Variants in ZP2 observed in about 807,000 individuals in gnomAD.
ZP2 encodes the protein zona pellucida glycoprotein 2.
ZP2 carries 51 observed loss-of-function variants against 84.0 expected under a neutral mutation model. The ratio of observed to expected loss-of-function variants is 0.61; its 90% CI spans 0.49 to 0.77. The LOEUF (loss-of-function observed/expected upper bound fraction) is 0.77. ZP2 is among the 30% of genes least tolerant of loss of function. The pLI, the probability that ZP2 is intolerant of heterozygous loss-of-function variation, is 0.00. For synonymous variants in ZP2, 375 were observed against 330.9 expected (o/e 1.13, Z -1.45); for missense variants, 909 against 911.9 (o/e 1.00, Z 0.04).
At chr16:21,198,461 C>T (rs1236814045) in intron 17 of ZP2, among the ~76,000 whole-genome samples, 3 of 152,156 alleles carry the variant, frequency 2.0e-5, no homozygotes, top group South Asian at 2.1e-4. Context: ...CTATAGATAT[C>T]CATGAATGAG....
At chr16:21,211,436 T>C (rs2093274754) in intron 1 of ZP2, 41 bp from the exon 2 acceptor site, 36 of 1,613,978 alleles carry the variant, frequency 2.2e-5, no homozygotes, top group Non-Finnish European at 3.1e-5. Flanking sequence ...GAATGGACTT[T>C]AACAAACAAA....
In ZP2 at chr16:21,197,819, C is replaced by T. The variant is rs369785011; in HGVS notation, c.2042G>A (p.Gly681Glu). 1.2e-6 allele frequency: 2 copies of T among 1,614,138 alleles called. No individual in the cohort carries two copies. Among genetic ancestry groups the T allele is most frequent in the Non-Finnish European group, 1.7e-6 (2 of 1,180,014 alleles). Residue 681 changes from glycine to glutamate, a missense_variant, in exon 18 of 19, where the codon GGG (glycine) becomes GAG (glutamate). Transcript: ENST00000574091. ...GVGSSDLKAS[G>E]SSGEKSRSET... ...ACTCCTACTCTTCTCCCCACTGCTC[C>T]CACTTGCTTTTAGATCAGATGAGCC... is the stretch of plus-strand genomic sequence containing the variant.
Position 21,197,512 on chromosome 16 carries a change from GGTA to G in ZP2, c.2203_2205del (p.Tyr735del), listed in dbSNP as rs1295053437. ...TTTGACACAGTCCTTTTCTCGTACAGGTAGTAGATGAAGCCTAGAGTTGCCACC... is the reference window on the plus strand; with the variant it reads ...TTTGACACAGTCCTTTTCTCGTACAGGTAGATGAAGCCTAGAGTTGCCACC... On this transcript the variant is annotated inframe_deletion, in exon 19 of 19. Transcript: ENST00000574091. The G allele has an allele frequency of 6.2e-6, 10 of 1,614,058 alleles. 1 individual carries two copies. The highest frequency in any genetic ancestry group is 4.4e-5 in the South Asian group (4 of 91,084).
upstream of ZP2, among the ~76,000 whole-genome samples, chr16:21,213,612 C>T (rs566939909): frequency 1.4e-4 from 21 of 152,234 alleles, no homozygotes; most frequent in African/African-American, 5.1e-4. Flanking sequence ...ACAGGTGATT[C>T]TTATAATCAG....
chr16:21,207,714 C>T (rs566922848), intron 4 of ZP2, among the ~76,000 whole-genome samples: 5 of 151,696 alleles, frequency 3.3e-5, no homozygotes, highest in African/African-American at 9.7e-5. Flanking sequence ...TGGTATATGC[C>T]TGTGGTCTCA....
chr16:21,204,116 C>T lies in ZP2; in HGVS notation c.886G>A (p.Val296Met), dbSNP rs2093238632. Residue 296 changes from valine to methionine, a missense_variant, in exon 9 of 19, where the codon GTG (valine) becomes ATG (methionine). Coordinates refer to ENST00000574091, the MANE Select transcript of ZP2 (RefSeq NM_001376232.1). ...SVSFENQNID[V>M]SQLHDNGIDL... ...ATTCCATTGTCATGCAGCTGGCTCA[C>T]ATCAATGTTCTGGTTTTCAAAGCTC... 1 of 1,614,180 alleles carries T rather than the reference C, an allele frequency of 6.2e-7. No homozygotes were observed. Among genetic ancestry groups the T allele is most frequent in the South Asian group, 1.1e-5 (1 of 91,084 alleles).
At chr16:21,200,037 T>C (rs1420699415) in intron 14 of ZP2, among the ~76,000 whole-genome samples, 159 bp from the exon 15 acceptor site, 1 of 152,262 alleles carries the variant, frequency 6.6e-6, no homozygotes, top group Non-Finnish European at 1.5e-5. Flanking sequence ...ACCTGACCTA[T>C]AATACCTATG....
At chr16:21,212,074 C>A (rs1244443620), upstream of ZP2, among the ~76,000 whole-genome samples, 1 of 152,056 alleles carries the variant, frequency 6.6e-6, no homozygotes, top group Non-Finnish European at 1.5e-5. Context: ...ATTACAGGTG[C>A]ACGCCACCAC....
intron 6 of ZP2, 38 bp from the exon 7 acceptor site, chr16:21,205,622 C>T: frequency 1.2e-6 from 2 of 1,613,056 alleles, no homozygotes; most frequent in South Asian, 1.1e-5. Flanking sequence ...GCTGGTGCTC[C>T]CTTAACCAAG....
At position 21,209,615 on chromosome 16, in the gene ZP2, C is replaced by T. The variant is rs368433366; in HGVS notation, c.330+16G>A. The T allele has an allele frequency of 2.5e-6, 4 of 1,612,970 alleles. No individual in the cohort carries two copies. Among genetic ancestry groups the T allele is most frequent in the Middle Eastern group, 1.7e-4 (1 of 6,052 alleles). ...ACTACGTACTTCCCCAAGAACTGCTCAAAGCAATGACTTACCACTCTCCTG... is the reference window on the plus strand; with the variant it reads ...ACTACGTACTTCCCCAAGAACTGCTTAAAGCAATGACTTACCACTCTCCTG... On this transcript the variant is annotated intron_variant, in intron 4 of 18. Transcript: ENST00000574091.
chr16:21,199,063 C>T (rs530920288), intron 16 of ZP2, among the ~76,000 whole-genome samples: 54 of 152,148 alleles, frequency 3.5e-4, no homozygotes, highest in Admixed American at 3.1e-3. Flanking sequence ...GCCTATAATC[C>T]CAGCACTTTT....
chr16:21,197,654 TATTTTTAA>T lies in ZP2; in HGVS notation c.2096-40_2096-33del, dbSNP rs1470938864. On this transcript the variant is annotated intron_variant, in intron 18 of 18. Transcript: ENST00000574091. Reference sequence around the variant, plus strand: ...AGGAAGCAGACATTTGAGTCTTAAGTATTTTTAAATAAGGGTAAGTGGAAGCCTTACAT... The same window carrying T: ...AGGAAGCAGACATTTGAGTCTTAAGTATAAGGGTAAGTGGAAGCCTTACAT... 3.7e-6 allele frequency: 6 copies of T among 1,613,828 alleles called. 1 individual carries two copies.
At position 21,199,645 on chromosome 16, in the gene ZP2, A is replaced by C. The variant is rs1313993447; in HGVS notation, c.1852T>G (p.Leu618Val). Residue 618 changes from leucine to valine, a missense_variant, in exon 16 of 19, where the codon TTA (leucine) becomes GTA (valine). By Grantham distance (32) the Leu-to-Val change is conservative. Transcript: ENST00000574091. ...TCAGGGGAGAGTCGATTACAGATTA[A>C]GGCACTGCAGTGGAAGTAGACCTGG... Reference protein sequence around the residue: ...SSLVYFHCSALICNRLSPDSP... With the variant: ...SSLVYFHCSAVICNRLSPDSP... 1.2e-6 allele frequency: 2 copies of C among 1,613,746 alleles called. No homozygotes were observed. The highest frequency in any genetic ancestry group is 4.5e-5 in the East Asian group (2 of 44,878).
intron 7 of ZP2, among the ~76,000 whole-genome samples, 180 bp downstream of exon 7, chr16:21,205,240 G>A (rs924628859): frequency 5.3e-5 from 8 of 152,132 alleles, no homozygotes; most frequent in South Asian, 4.1e-4. Flanking sequence ...CGATCTGCCC[G>A]CTTCAGCCTT....
rs541922491 is a variant in ZP2, at chr16:21,205,218, C to T, written c.693+202G>A. 4.6e-5 allele frequency among the ~76,000 whole-genome samples: 7 copies of T among 152,242 alleles called. No homozygotes were observed. In the East Asian group the frequency reaches 1.4e-3, roughly 29 times the overall value. ...GGGTTGGCCGGGCTGGTCTTGAACT[C>T]CTGACCTCAAGCGATCTGCCCGCTT... On this transcript the variant is annotated intron_variant, in intron 7 of 18. Transcript: ENST00000574091.
intron 1 of ZP2, 31 bp downstream of exon 1, chr16:21,211,455 A>AC (rs1456837646): frequency 1.2e-6 from 2 of 1,608,974 alleles, no homozygotes; most frequent in African/African-American, 1.3e-5. Flanking sequence ...AAGCTACCAT[A>AC]CCCCCTCCCT....
At chr16:21,200,744 A>T (rs62033380) in intron 14 of ZP2, among the ~76,000 whole-genome samples, 22,580 of 152,262 alleles carry the variant, frequency 0.15, 2,039 homozygotes, top group South Asian at 0.2. Flanking sequence ...GAAGACTAGT[A>T]CAACTAGTGG....
rs1034554538 is a variant in ZP2, at chr16:21,209,622, A to G, written c.330+9T>C. The G allele has an allele frequency of 1.2e-6, 2 of 1,613,760 alleles. No individual in the cohort carries two copies. Among genetic ancestry groups the G allele is most frequent in the African/African-American group, 2.7e-5 (2 of 75,048 alleles). On this transcript the variant is annotated intron_variant, in intron 4 of 18. Coordinates refer to ENST00000574091, the MANE Select transcript of ZP2 (RefSeq NM_001376232.1). The stretch of plus-strand genomic sequence containing the variant: ...ACTTCCCCAAGAACTGCTCAAAGCA[A>G]TGACTTACCACTCTCCTGGTACAGT...
chr16:21,197,861 C>T lies in ZP2; in HGVS notation c.2012-12G>A. 6.2e-7 allele frequency: 1 copy of T among 1,613,882 alleles called. No individual in the cohort carries two copies. The highest frequency in any genetic ancestry group is 1.3e-5 in the African/African-American group (1 of 75,040). On this transcript the variant is annotated splice_polypyrimidine_tract_variant and intron_variant, in intron 17 of 18. Coordinates refer to ENST00000574091, the MANE Select transcript of ZP2 (RefSeq NM_001376232.1). The stretch of plus-strand genomic sequence containing the variant: ...AGATGAGCCGACACCTGGGAAGAAC[C>T]TGAGAGTTTAGTACAACATCTTCAT...
Sources: allele counts gnomAD v4.1 joint callset (sites outside exome capture counted in the v4.1 genomes callset), GRCh38; gene constraint gnomAD v4.1.1; transcripts MANE v1.5; gene names NCBI Gene and HGNC (gene_info 2026-07-23, HGNC 2026-07-21).